CTNND2: variants seen among roughly 807,000 people sequenced by gnomAD.
The protein encoded by CTNND2 is catenin delta 2, also known as catenin delta-2.
Under a neutral mutation model 144.4 loss-of-function variants are expected in CTNND2, and 22 were observed. That is an observed-to-expected ratio of 0.15 (90% confidence interval 0.11 to 0.22). The LOEUF is 0.22. Ranked by LOEUF, CTNND2 falls within the 10% of genes least tolerant of loss-of-function variation. CTNND2 has a pLI of 1.00. For synonymous variants in CTNND2, 751 were observed against 695.6 expected (o/e 1.08, Z -1.25); for missense variants, 1,353 against 1,618.8 (o/e 0.84, Z 2.82).
intron 3 of CTNND2, among the ~76,000 whole-genome samples, chr5:11,436,362 CAA>C (rs1425474088): frequency 3.9e-5 from 6 of 152,090 alleles, no homozygotes; most frequent in Non-Finnish European, 7.4e-5. Flanking sequence ...AGCAATTTCT[CAA>C]TGAGGAAGAA....
chr5:11,529,635 C>T (rs936817497), intron 3 of CTNND2, among the ~76,000 whole-genome samples: 3 of 152,206 alleles, frequency 2.0e-5, no homozygotes, highest in Non-Finnish European at 2.9e-5. Context: ...GGATTTACTA[C>T]ATCTTTAGCA....
Position 11,564,952 on chromosome 5 carries a change from G to A in CTNND2, c.279C>T (p.Ser93=). 2 of 1,612,786 alleles carry A rather than the reference G, an allele frequency of 1.2e-6. No individual in the cohort carries two copies. Among genetic ancestry groups the A allele is most frequent in the Non-Finnish European group, 1.7e-6 (2 of 1,178,836 alleles). The part of the protein sequence containing the change: ...CKLGSETGSM[S]SMSSAEEQFQ... ...CAGAGCGGCGCTAGTACCTCATGCT[G>A]CTCATGCTGCCAGTCTCGGATCCGA... Residue 93 remains serine, a synonymous_variant, in exon 3 of 22, where the codon AGC becomes AGT. Transcript: ENST00000304623.
chr5:11,330,113 G>A (rs1752938643), intron 9 of CTNND2, among the ~76,000 whole-genome samples: 1 of 151,970 alleles, frequency 6.6e-6, no homozygotes, highest in Non-Finnish European at 1.5e-5. Context: ...CGTTGCCTGT[G>A]TTGCCTTGAT....
chr5:11,018,453 G>C (rs1741858755), intron 17 of CTNND2, among the ~76,000 whole-genome samples: 1 of 152,164 alleles, frequency 6.6e-6, no homozygotes, highest in African/African-American at 2.4e-5. Context: ...ATTAAGCTTA[G>C]CGAGGAAGGC....
At chr5:11,816,641 AAGAGAG>A (rs554667592) in intron 1 of CTNND2, among the ~76,000 whole-genome samples, 4 of 3,700 alleles carry the variant, frequency 1.1e-3, no homozygotes, top group African/African-American at 1.4e-3. Flanking sequence ...AGAGGGGGGG[AAGAGAG>A]AGAGAGAGAG....
chr5:11,035,453 CT>C (rs1743964623), intron 16 of CTNND2, among the ~76,000 whole-genome samples: 1 of 152,214 alleles, frequency 6.6e-6, no homozygotes, highest in Non-Finnish European at 1.5e-5. Context: ...CCCTTTTCCA[CT>C]TTTAAGGACC....
chr5:11,563,978 G>A (rs1776875498), intron 3 of CTNND2, among the ~76,000 whole-genome samples: 1 of 152,176 alleles, frequency 6.6e-6, no homozygotes, highest in South Asian at 2.1e-4. Context: ...TCGATGAGAG[G>A]TCATGTGACT....
chr5:11,482,709 A>C (rs777985455), intron 3 of CTNND2, among the ~76,000 whole-genome samples: 9 of 152,144 alleles, frequency 5.9e-5, no homozygotes, highest in Non-Finnish European at 1.2e-4. Flanking sequence ...AGAAGCAGAC[A>C]TTTGAACAAA....
chr5:11,901,157 T>A (rs545035319), intron 1 of CTNND2, among the ~76,000 whole-genome samples: 1 of 152,194 alleles, frequency 6.6e-6, no homozygotes, highest in Non-Finnish European at 1.5e-5. Flanking sequence ...TCAAATGTAA[T>A]GTTAATGTTT....
chr5:11,392,835 T>C (rs1759753113), intron 6 of CTNND2, among the ~76,000 whole-genome samples: 2 of 152,246 alleles, frequency 1.3e-5, no homozygotes, highest in Admixed American at 1.3e-4. Flanking sequence ...TTTTCCAAAT[T>C]TATTGGTGAC....
intron 12 of CTNND2, among the ~76,000 whole-genome samples, chr5:11,147,323 T>C (rs930550578): frequency 6.6e-6 from 1 of 152,042 alleles, no homozygotes; most frequent in Non-Finnish European, 1.5e-5. Context: ...TGTCAAGGAG[T>C]GTCTCTTACA....
At chr5:11,165,056 G>T (rs1195323338) in intron 11 of CTNND2, among the ~76,000 whole-genome samples, 1 of 152,156 alleles carries the variant, frequency 6.6e-6, no homozygotes, top group Non-Finnish European at 1.5e-5. Flanking sequence ...TGTAAGCATC[G>T]AAACTTCTGT....
chr5:11,057,124 A>T (rs1746424519), intron 16 of CTNND2, among the ~76,000 whole-genome samples: 1 of 152,252 alleles, frequency 6.6e-6, no homozygotes, highest in South Asian at 2.1e-4. Context: ...CTCCAAGTAT[A>T]GGACAGCTAT....
chr5:11,768,103 C>T (rs2126818760), intron 1 of CTNND2, among the ~76,000 whole-genome samples: 1 of 152,104 alleles, frequency 6.6e-6, no homozygotes, highest in African/African-American at 2.4e-5. Context: ...CATGAAAAAG[C>T]TCTTACATGC....
chr5:11,003,389 A>G (rs1403749069), intron 18 of CTNND2, among the ~76,000 whole-genome samples: 3 of 152,190 alleles, frequency 2.0e-5, no homozygotes, highest in Non-Finnish European at 4.4e-5. Context: ...CTAAGACATT[A>G]ATGCTCACGT....
intron 9 of CTNND2, among the ~76,000 whole-genome samples, chr5:11,250,518 TA>T (rs571308789): frequency 1.9e-4 from 6 of 31,012 alleles, no homozygotes; most frequent in African/African-American, 2.1e-4. Context: ...TATATACATA[TA>T]TTTTTTTTTT....
chr5:11,764,391 C>T lies in CTNND2; in HGVS notation c.38-32119G>A, dbSNP rs577103865. Among the ~76,000 whole-genome samples the T allele has an allele frequency of 2.0e-4, 30 of 152,170 alleles. No individual in the cohort carries two copies. In the South Asian group the frequency reaches 3.7e-3, roughly 19 times the overall value. ...ATTTGTGACAATCTGTTACAGCAGC[C>T]GCAATTTCCTGGCCCATTGTGGGCA... On this transcript the variant is annotated intron_variant, in intron 1 of 21. Coordinates refer to ENST00000304623, the MANE Select transcript of CTNND2 (RefSeq NM_001332.4).
intron 13 of CTNND2, among the ~76,000 whole-genome samples, chr5:11,115,941 G>A (rs753836529): frequency 4.6e-5 from 7 of 152,210 alleles, no homozygotes; most frequent in Non-Finnish European, 7.3e-5. Context: ...TACATGGATA[G>A]AAACACTTTT....
At chr5:11,114,770 G>A (rs183182538) in intron 13 of CTNND2, among the ~76,000 whole-genome samples, 5 of 152,220 alleles carry the variant, frequency 3.3e-5, no homozygotes, top group South Asian at 2.1e-4. Context: ...GCTCTTTTAT[G>A]TATTAACTTC....
Sources: allele counts gnomAD v4.1 joint callset (sites outside exome capture counted in the v4.1 genomes callset), GRCh38; gene constraint gnomAD v4.1.1; transcripts MANE v1.5; gene names NCBI Gene and HGNC (gene_info 2026-07-23, HGNC 2026-07-21).